CTNNA2: variants seen among roughly 807,000 people sequenced by gnomAD.
The protein encoded by CTNNA2 is catenin alpha-2.
A neutral mutation model predicts 101.0 loss-of-function variants in CTNNA2; 42 were observed. The ratio of observed to expected loss-of-function variants is 0.42; its 90% CI spans 0.32 to 0.54. The LOEUF is 0.54. CTNNA2 is among the 20% of genes least tolerant of loss of function. The pLI is 0.14. For missense variants in CTNNA2, 871 were observed against 1,223.1 expected, an observed-to-expected ratio of 0.71 and a Z score of 4.29; for synonymous variants, 450 against 456.4, an observed-to-expected ratio of 0.99 and a Z score of 0.18.
At chr2:80,475,535 C>T (rs922140046) in intron 9 of CTNNA2, among the ~76,000 whole-genome samples, 15 of 152,188 alleles carry the variant, frequency 9.9e-5, no homozygotes, top group African/African-American at 3.6e-4. Flanking sequence ...ATAAATATCC[C>T]TTGTGTGGGC....
intron 6 of CTNNA2, among the ~76,000 whole-genome samples, chr2:79,897,403 G>T (rs1163293716): frequency 6.6e-6 from 1 of 151,770 alleles, no homozygotes; most frequent in South Asian, 2.1e-4. Flanking sequence ...AATAAGGGGG[G>T]AATATGGACT....
chr2:80,601,547 T>C (rs1480644789), intron 15 of CTNNA2: 1 of 151,714 alleles, frequency 6.6e-6, no homozygotes, highest in Non-Finnish European at 1.5e-5. Flanking sequence ...TAGAAACTTA[T>C]TTCATCTGTT....
At chr2:79,656,055 C>G (rs1371142709) in intron 2 of CTNNA2, among the ~76,000 whole-genome samples, 2 of 152,056 alleles carry the variant, frequency 1.3e-5, no homozygotes, top group Non-Finnish European at 2.9e-5. Flanking sequence ...AGTCCCCTAT[C>G]TATATGCCTT....
chr2:80,300,947 C>T (rs1419657997), intron 7 of CTNNA2, among the ~76,000 whole-genome samples: 1 of 146,656 alleles, frequency 6.8e-6, no homozygotes, highest in Non-Finnish European at 1.5e-5. Flanking sequence ...ACTCTCAACA[C>T]AGAAAAAAAA....
chr2:80,326,620 C>T (rs905926755), intron 7 of CTNNA2, among the ~76,000 whole-genome samples: 1 of 151,878 alleles, frequency 6.6e-6, no homozygotes, highest in Non-Finnish European at 1.5e-5. Context: ...ATAACAAAAT[C>T]ACAAATTAGC....
At position 79,648,124 on chromosome 2, in the gene CTNNA2, T is replaced by C. The variant is rs146281360; in HGVS notation, c.-5-3428T>C. 8.5e-3 allele frequency among the ~76,000 whole-genome samples: 1,296 copies of C among 152,350 alleles called. 27 individuals carry two copies. The highest frequency in any genetic ancestry group is 0.028 in the African/African-American group (1,178 of 41,582). On this transcript the variant is annotated intron_variant, in intron 1 of 18. Transcript: ENST00000402739. ...GAAAAATCCTCCAATCTACCTCAAATGCCTGTGCATTTTCTCTGTCCTTCC... is the reference window on the plus strand; with the variant it reads ...GAAAAATCCTCCAATCTACCTCAAACGCCTGTGCATTTTCTCTGTCCTTCC...
chr2:80,008,266 A>G (rs1307010012), intron 7 of CTNNA2, among the ~76,000 whole-genome samples: 1 of 152,156 alleles, frequency 6.6e-6, no homozygotes, highest in Non-Finnish European at 1.5e-5. Flanking sequence ...CACAGTTGTT[A>G]TTTATGTTTC....
In CTNNA2 at chr2:79,740,218, A is replaced by G. The variant is rs537635586; in HGVS notation, c.103-4169A>G. ...GTGTGTTGTTCCCATCTTTGTGTCC[A>G]TGTGTCTGAATCATTTAGCTCCCAC... On this transcript the variant is annotated intron_variant, in intron 2 of 18. Transcript: ENST00000402739. 1.4e-3 allele frequency among the ~76,000 whole-genome samples: 219 copies of G among 152,174 alleles called. 2 individuals are homozygous for G. The highest frequency in any genetic ancestry group is 1.5e-3 in the South Asian group (7 of 4,816).
intron 7 of CTNNA2, among the ~76,000 whole-genome samples, chr2:80,114,750 G>C (rs1212110691): frequency 2.0e-5 from 3 of 152,180 alleles, no homozygotes; most frequent in Non-Finnish European, 4.4e-5. Flanking sequence ...GGATGGCTGA[G>C]ATTTTTGGGT....
At chr2:79,420,388 C>T (rs920483725) in intron 4 of CTNNA2, among the ~76,000 whole-genome samples, 12 of 151,884 alleles carry the variant, frequency 7.9e-5, no homozygotes, top group African/African-American at 9.7e-5. Flanking sequence ...TAGGAAGAAT[C>T]GACAAGAAAC....
intron 7 of CTNNA2, among the ~76,000 whole-genome samples, chr2:80,357,827 A>G (rs1302371046): frequency 1.3e-5 from 2 of 152,138 alleles, no homozygotes; most frequent in East Asian, 3.9e-4. Flanking sequence ...TAGATTGTCA[A>G]CAGCTACTGC....
intron 7 of CTNNA2, among the ~76,000 whole-genome samples, chr2:80,217,111 C>T (rs1708315420): frequency 6.6e-6 from 1 of 152,096 alleles, no homozygotes; most frequent in African/African-American, 2.4e-5. Flanking sequence ...GGATTACAGG[C>T]ATGAGCCACC....
chr2:80,525,419 CTG>C (rs1208598706), intron 9 of CTNNA2, among the ~76,000 whole-genome samples: 1 of 151,890 alleles, frequency 6.6e-6, no homozygotes, highest in Non-Finnish European at 1.5e-5. Context: ...TCCCCAGTGA[CTG>C]TGAAGTAAGG....
chr2:80,063,836 T>G (rs1697782901), intron 7 of CTNNA2, among the ~76,000 whole-genome samples: 1 of 152,232 alleles, frequency 6.6e-6, no homozygotes, highest in African/African-American at 2.4e-5. Context: ...ATTTAGCATT[T>G]TATCATTTCC....
chr2:80,303,681 C>A lies in CTNNA2; in HGVS notation c.1057-89530C>A. 1 of 1,611,196 alleles carries A rather than the reference C, an allele frequency of 6.2e-7. No homozygotes were observed. On this transcript the variant is annotated intron_variant, in intron 7 of 18. Coordinates refer to ENST00000402739, the MANE Select transcript of CTNNA2 (RefSeq NM_001282597.3). The surrounding 1 kb of genome is among the most constrained non-coding windows in gnomAD (Gnocchi z 7.7). ...AGCGCCTCGCAGTACAGCAGCCGCC[C>A]CTCGCACCGGCACAGCTGCGGGCAC...
intron 9 of CTNNA2, among the ~76,000 whole-genome samples, chr2:80,478,747 A>T (rs1001426212): frequency 5.3e-5 from 8 of 152,032 alleles, no homozygotes; most frequent in Non-Finnish European, 1.0e-4. Context: ...TGTCTCCTTT[A>T]TACTAGTATC....
intron 7 of CTNNA2, among the ~76,000 whole-genome samples, chr2:80,034,970 A>G (rs1474948222): frequency 2.6e-5 from 4 of 152,224 alleles, no homozygotes; most frequent in African/African-American, 4.8e-5. Context: ...GTGAAATAAT[A>G]CGTAAAATTT....
At chr2:80,536,179 A>G (rs1690999234) in intron 9 of CTNNA2, among the ~76,000 whole-genome samples, 2 of 152,174 alleles carry the variant, frequency 1.3e-5, no homozygotes, top group Non-Finnish European at 2.9e-5. Flanking sequence ...CTTCGTGTGT[A>G]CTAATTACAT....
At position 80,297,675 on chromosome 2, in the gene CTNNA2, A is replaced by ATGTTTCTTAACC. The variant is rs559457504; in HGVS notation, c.1057-95536_1057-95535insTGTTTCTTAACC. 2.8e-4 allele frequency among the ~76,000 whole-genome samples: 42 copies of ATGTTTCTTAACC among 152,250 alleles called. No homozygotes were observed. In the East Asian group the frequency reaches 6.6e-3, roughly 24 times the overall value. ...GTAGAGCATACTTTAATGGAAAAAT[A>ATGTTTCTTAACC]CTGAGGTGGAAAATACTCTCAAAAA... On this transcript the variant is annotated intron_variant, in intron 7 of 18. Coordinates refer to ENST00000402739, the MANE Select transcript of CTNNA2 (RefSeq NM_001282597.3).
Sources: gnomAD v4.1 joint callset for allele counts (sites outside exome capture counted in the v4.1 genomes callset) on GRCh38, gnomAD v4.1.1 for gene constraint, Gnocchi (gnomAD v3.1) non-coding constraint, MANE v1.5 for transcripts, NCBI Gene and HGNC (gene_info 2026-07-23, HGNC 2026-07-21) for gene names.